The following RAB8B variants were observed in gnomAD, a reference collection of about 807,000 sequenced individuals.
The protein encoded by RAB8B is ras-related protein Rab-8B.
RAB8B carries 11 observed loss-of-function variants against 32.0 expected under a neutral mutation model. The ratio of observed to expected loss-of-function variants is 0.34; its 90% CI spans 0.22 to 0.57. The LOEUF is 0.57. Ranked by LOEUF, RAB8B falls within the 20% of genes least tolerant of loss-of-function variation. RAB8B has a pLI of 0.86. For missense variants in RAB8B, 190 were observed against 258.5 expected, an observed-to-expected ratio of 0.73 and a Z score of 1.82; for synonymous variants, 103 against 89.6, an observed-to-expected ratio of 1.15 and a Z score of -0.85.
intron 1 of RAB8B, among the ~76,000 whole-genome samples, chr15:63,216,234 A>AATTATTT (rs2037790789): frequency 7.5e-6 from 1 of 133,284 alleles, no homozygotes; most frequent in African/African-American, 2.8e-5. Context: ...ATTAATTATT[A>AATTATTT]TTTTTTTTTT....
intron 1 of RAB8B, among the ~76,000 whole-genome samples, chr15:63,211,374 C>G (rs552762703): frequency 6.6e-6 from 1 of 152,134 alleles, no homozygotes. Context: ...TATTGTCTCA[C>G]GTACTGTGAT....
At chr15:63,262,195 C>T (rs2038208295) in intron 6 of RAB8B, among the ~76,000 whole-genome samples, 1 of 152,084 alleles carries the variant, frequency 6.6e-6, no homozygotes, top group Admixed American at 6.5e-5. Context: ...GCACTGTGCC[C>T]TGCTCTAGGG....
intron 1 of RAB8B, among the ~76,000 whole-genome samples, chr15:63,225,995 C>T (rs1386893372): frequency 6.6e-6 from 1 of 152,026 alleles, no homozygotes; most frequent in African/African-American, 2.4e-5. Flanking sequence ...TGCTTGCCAC[C>T]ATGCCTGGCT....
At chr15:63,235,605 A>C (rs1216287434) in intron 1 of RAB8B, among the ~76,000 whole-genome samples, 1 of 151,292 alleles carries the variant, frequency 6.6e-6, no homozygotes, top group East Asian at 1.9e-4. Context: ...ATTATCCTTA[A>C]TTTGTTAATA....
Position 63,256,557 on chromosome 15 carries a change from A to G in RAB8B, c.377A>G (p.Asn126Ser). Residue 126 changes from asparagine to serine, a missense_variant, in exon 5 of 8, where the codon AAT becomes AGT. Transcript: ENST00000321437. The part of the protein sequence containing the change: ...RMILGNKCDM[N>S]DKRQVSKERG... ...ATCCTGGGTAACAAATGTGATATGA[A>G]TGACAAAAGACAAGTGTCAAAAGAA... The G allele has an allele frequency of 6.2e-7, 1 of 1,604,304 alleles. No individual in the cohort carries two copies. The highest frequency in any genetic ancestry group is 1.7e-5 in the Admixed American group (1 of 58,126).
rs559543539 is a variant in RAB8B, at chr15:63,250,092, C to T, written c.246+387C>T. 6.6e-5 allele frequency among the ~76,000 whole-genome samples: 10 copies of T among 152,194 alleles called. No individual in the cohort carries two copies. In the South Asian group the frequency reaches 1.0e-3, roughly 16 times the overall value. ...AGGAGCTTGCAGTGAGCCGAGATTGCGCCACTGCAGTCCGCAGTCTGGCCT... is the reference window on the plus strand; with the variant it reads ...AGGAGCTTGCAGTGAGCCGAGATTGTGCCACTGCAGTCCGCAGTCTGGCCT... On this transcript the variant is annotated intron_variant, in intron 3 of 7. Transcript: ENST00000321437.
In RAB8B at chr15:63,254,559, T is replaced by C. The variant is rs1323867705; in HGVS notation, c.247-948T>C. Among the ~76,000 whole-genome samples the C allele has an allele frequency of 6.6e-5, 10 of 152,204 alleles. No individual in the cohort carries two copies. In the East Asian group the frequency reaches 1.7e-3, roughly 26 times the overall value. On this transcript the variant is annotated intron_variant, in intron 3 of 7. Transcript: ENST00000321437. ...AGTACAGAAGTGTGGTCTGGGGATA[T>C]AGATTTTGCAGTAGCATACAGGTGT...
At chr15:63,215,698 G>A (rs1401903197) in intron 1 of RAB8B, among the ~76,000 whole-genome samples, 1 of 152,152 alleles carries the variant, frequency 6.6e-6, no homozygotes, top group African/African-American at 2.4e-5. Flanking sequence ...GGAATTGGCA[G>A]AAGATTCAGA....
rs562888501 is a variant in RAB8B at position 63,254,496 on chromosome 15, T to A, written c.247-1011T>A. On this transcript the variant is annotated intron_variant, in intron 3 of 7. Coordinates refer to ENST00000321437, the MANE Select transcript of RAB8B (RefSeq NM_016530.3). ...CACACAGTAGGTGCTCACTAAATAT[T>A]TATGTAGTAGATGGACAGGTGAGTA... 2.0e-5 allele frequency among the ~76,000 whole-genome samples: 3 copies of A among 152,152 alleles called. No individual in the cohort carries two copies. The South Asian group carries it at 6.2e-4, about 32-fold the overall frequency.
intron 1 of RAB8B, among the ~76,000 whole-genome samples, chr15:63,221,865 A>G (rs1342241848): frequency 6.6e-6 from 1 of 152,132 alleles, no homozygotes; most frequent in Non-Finnish European, 1.5e-5. Context: ...TTATTTACCT[A>G]CTTGATGTTT....
At position 63,208,888 on chromosome 15, in the gene RAB8B, C is replaced by T. The variant is rs1030947845; in HGVS notation, c.124+19140C>T. ...TTGCTTCCCCAACCCTCCACTCCCA[C>T]GATAATTTTTTTTTTTTTTTTTGAG... On this transcript the variant is annotated intron_variant, in intron 1 of 7. Coordinates refer to ENST00000321437, the MANE Select transcript of RAB8B (RefSeq NM_016530.3). 3.1e-5 allele frequency among the ~76,000 whole-genome samples: 4 copies of T among 128,152 alleles called. No individual in the cohort carries two copies. The South Asian group carries it at 7.5e-4, about 24-fold the overall frequency. The allele number at this position is 128,152 out of a possible 152,430, so 84.1% of individuals were successfully genotyped here. A position where few individuals can be genotyped will look rare whatever the true frequency, so the allele number is the denominator to read the frequency against.
At chr15:63,236,533 A>G (rs1158830368) in intron 1 of RAB8B, among the ~76,000 whole-genome samples, 1 of 152,168 alleles carries the variant, frequency 6.6e-6, no homozygotes. Flanking sequence ...CAGGGTCATC[A>G]TTTTGAACAT....
chr15:63,243,641 A>T (rs557205909), intron 1 of RAB8B, among the ~76,000 whole-genome samples: 151 of 152,274 alleles, frequency 9.9e-4, no homozygotes, highest in African/African-American at 3.4e-3. Flanking sequence ...TTTAAAAATT[A>T]CCAGTGCCCA....
rs199584764 is a variant in RAB8B at position 63,245,879 on chromosome 15, A to AT, written c.185+1073dup. Reference sequence around the variant, plus strand: ...ATAACTTTATACAATATTTTAATAAATTTTTTTTTTGAGACAGAGTTTCGC... The same window carrying AT: ...ATAACTTTATACAATATTTTAATAAATTTTTTTTTTTGAGACAGAGTTTCGC... On this transcript the variant is annotated intron_variant, in intron 2 of 7. Coordinates refer to ENST00000321437, the MANE Select transcript of RAB8B (RefSeq NM_016530.3). Among the ~76,000 whole-genome samples, 689 of 150,956 alleles carry AT rather than the reference A, an allele frequency of 4.6e-3. 2 individuals are homozygous for AT. Among genetic ancestry groups the AT allele is most frequent in the Non-Finnish European group, 6.4e-3 (435 of 67,522 alleles).
rs2038255778 is a variant in RAB8B, at chr15:63,267,217, T to C, written c.*3598T>C. On this transcript the variant is annotated 3_prime_UTR_variant, in exon 8 of 8. Transcript: ENST00000321437. ...AGACTAATAAAATTAATGGCTGTCATGTTCACTCTGAAAAAAATCTAAATG... is the reference window on the plus strand; with the variant it reads ...AGACTAATAAAATTAATGGCTGTCACGTTCACTCTGAAAAAAATCTAAATG... 1 of 152,638 alleles carries C rather than the reference T, an allele frequency of 6.6e-6. No homozygotes were observed. Among genetic ancestry groups the C allele is most frequent in the Non-Finnish European group, 1.5e-5 (1 of 68,028 alleles). The allele number at this position is 152,638 out of a possible 1,614,324, so 9.5% of individuals were successfully genotyped here. A position where few individuals can be genotyped will look rare whatever the true frequency, so the allele number is the denominator to read the frequency against.
chr15:63,221,041 CT>C (rs759959876), intron 1 of RAB8B, among the ~76,000 whole-genome samples: 6 of 152,200 alleles, frequency 3.9e-5, no homozygotes, highest in East Asian at 1.9e-4. Flanking sequence ...GCAGAGTTGG[CT>C]GGAATAACTG....
intron 1 of RAB8B, among the ~76,000 whole-genome samples, chr15:63,194,729 C>T (rs1477002214): frequency 1.3e-5 from 2 of 152,154 alleles, no homozygotes; most frequent in Admixed American, 6.5e-5. Flanking sequence ...TCCTTAAAAT[C>T]AGGGGTTAGC....
chr15:63,208,680 A>G (rs927028711), intron 1 of RAB8B, among the ~76,000 whole-genome samples: 5 of 152,048 alleles, frequency 3.3e-5, no homozygotes, highest in African/African-American at 9.7e-5. Flanking sequence ...GCCTGTTGAC[A>G]TCTGTCTTTC....
chr15:63,255,403 A>T (rs2038151178), intron 3 of RAB8B, 104 bp from the exon 4 acceptor site: 7 of 711,800 alleles, frequency 9.8e-6, no homozygotes, highest in Non-Finnish European at 1.5e-5. Context: ...AAAGGGAAAA[A>T]ATGGACAAAC....
Sources: gnomAD v4.1 joint callset for allele counts (sites outside exome capture counted in the v4.1 genomes callset) on GRCh38, gnomAD v4.1.1 for gene constraint, MANE v1.5 for transcripts, NCBI Gene and HGNC (gene_info 2026-07-23, HGNC 2026-07-21) for gene names.